The following RNF182 variants were observed in gnomAD, a reference collection of about 807,000 sequenced individuals.
RNF182 encodes ring finger protein 182, also known as E3 ubiquitin-protein ligase RNF182.
RNF182 carries 15 observed loss-of-function variants against 14.4 expected under a neutral mutation model. That is an observed-to-expected ratio of 1.04 (90% CI 0.70 to 1.60). RNF182 has a LOEUF of 1.60. Among genes scored for constraint, RNF182 ranks in the 40% most tolerant of loss-of-function variants. RNF182 has a pLI of 0.00. For missense variants in RNF182, 268 were observed against 294.8 expected (o/e 0.91, Z 0.67); for synonymous variants, 128 against 122.9 (o/e 1.04, Z -0.27).
intron 1 of RNF182, among the ~76,000 whole-genome samples, chr6:13,934,248 G>C (rs1375909898): frequency 6.6e-6 from 1 of 152,140 alleles, no homozygotes; most frequent in Non-Finnish European, 1.5e-5. Context: ...ACTTGATTCA[G>C]AGTCACTCCT....
At chr6:13,926,791 G>GTGT (rs200914945) in intron 1 of RNF182, among the ~76,000 whole-genome samples, 1 of 148,186 alleles carries the variant, frequency 6.7e-6, no homozygotes, top group Non-Finnish European at 1.5e-5. Flanking sequence ...GTGTGTGTGT[G>GTGT]TTTTTTTTTT....
intron 1 of RNF182, among the ~76,000 whole-genome samples, chr6:13,953,968 G>A (rs191205920): frequency 1.3e-5 from 2 of 152,308 alleles, no homozygotes; most frequent in African/African-American, 2.4e-5. Context: ...GAGCACAGAT[G>A]TTGGAAAGTA....
At chr6:13,941,499 T>C (rs1759298443) in intron 1 of RNF182, among the ~76,000 whole-genome samples, 1 of 152,116 alleles carries the variant, frequency 6.6e-6, no homozygotes, top group Non-Finnish European at 1.5e-5. Context: ...CCTGACAGTC[T>C]TTGGAGCAGC....
At chr6:13,946,949 T>C (rs1759454055) in intron 1 of RNF182, among the ~76,000 whole-genome samples, 1 of 152,126 alleles carries the variant, frequency 6.6e-6, no homozygotes, top group Non-Finnish European at 1.5e-5. Context: ...ACCTGGAAGA[T>C]TAGTAAGTAT....
At chr6:13,940,168 A>C (rs1561777500) in intron 1 of RNF182, among the ~76,000 whole-genome samples, 1 of 152,204 alleles carries the variant, frequency 6.6e-6, no homozygotes, top group Admixed American at 6.5e-5. Flanking sequence ...CTTTTTATCG[A>C]TTAAGAAGAT....
intron 1 of RNF182, among the ~76,000 whole-genome samples, chr6:13,955,930 A>G (rs762721236): frequency 1.3e-5 from 2 of 152,128 alleles, no homozygotes; most frequent in African/African-American, 2.4e-5. Flanking sequence ...ATGAAAATAT[A>G]TGGTTTTCAA....
chr6:13,950,357 A>G (rs540485069), intron 1 of RNF182, among the ~76,000 whole-genome samples: 24 of 152,342 alleles, frequency 1.6e-4, no homozygotes, highest in Non-Finnish European at 3.1e-4. Flanking sequence ...TCAAATAATT[A>G]TAAAAAATGT....
chr6:13,954,899 G>GGGCT (rs1759688867), intron 1 of RNF182, among the ~76,000 whole-genome samples: 1 of 152,054 alleles, frequency 6.6e-6, no homozygotes, highest in Admixed American at 6.6e-5. Flanking sequence ...GAAGGTGGAG[G>GGGCT]GGCTCTACGC....
At chr6:13,948,946 T>G (rs1477776833) in intron 1 of RNF182, 2 of 260,504 alleles carry the variant, frequency 7.7e-6, no homozygotes, top group Non-Finnish European at 1.4e-5. Context: ...AAAGCCAAAT[T>G]TCACTTTTGC....
At chr6:13,968,323 T>C (rs933491793) in intron 1 of RNF182, among the ~76,000 whole-genome samples, 1 of 152,068 alleles carries the variant, frequency 6.6e-6, no homozygotes, top group Non-Finnish European at 1.5e-5. Flanking sequence ...CCAGAAGAAA[T>C]GGATTTTTTC....
chr6:13,939,914 T>G (rs575227342), intron 1 of RNF182, among the ~76,000 whole-genome samples: 3 of 152,364 alleles, frequency 2.0e-5, no homozygotes, highest in African/African-American at 7.2e-5. Flanking sequence ...CTTAATAACT[T>G]ATTTGTAGAA....
intron 1 of RNF182, among the ~76,000 whole-genome samples, chr6:13,960,694 C>CGT (rs1168500426): frequency 1.7e-5 from 2 of 116,520 alleles, no homozygotes; most frequent in Admixed American, 8.3e-5. Context: ...TGTGTGTGTG[C>CGT]GCGCGTGCAC....
At chr6:13,952,792 C>A (rs1182685169) in intron 1 of RNF182, among the ~76,000 whole-genome samples, 1 of 152,124 alleles carries the variant, frequency 6.6e-6, no homozygotes, top group East Asian at 1.9e-4. Context: ...GGTGACTACT[C>A]CACAGAGAGA....
At chr6:13,966,020 C>A in intron 1 of RNF182, among the ~76,000 whole-genome samples, 1 of 152,064 alleles carries the variant, frequency 6.6e-6, no homozygotes, top group East Asian at 1.9e-4. Flanking sequence ...CTCCTGAGGA[C>A]GGAGCTCAGA....
At chr6:13,949,250 C>T in intron 1 of RNF182, 1 of 784,682 alleles carries the variant, frequency 1.3e-6, no homozygotes, top group East Asian at 2.4e-5. Flanking sequence ...TATTCAGACA[C>T]CAGTTGTTTC....
At position 13,977,263 on chromosome 6, in the gene RNF182, C is replaced by T; in HGVS notation, c.144C>T (p.Leu48=). 1.9e-6 allele frequency: 3 copies of T among 1,614,186 alleles called. No homozygotes were observed. The highest frequency in any genetic ancestry group is 1.7e-6 in the Non-Finnish European group (2 of 1,180,034). The change falls in exon 3 of 3, where the codon CTC becomes CTT. Residue 48 remains leucine, a synonymous_variant. Transcript: ENST00000488300. ...ECCHRVCAKC[L]YKIIDFGDSP... ...GTCATAGGGTTTGTGCCAAATGCCT[C>T]TACAAGATCATAGACTTTGGGGACT...
In RNF182 at chr6:13,980,053, T is replaced by C. The variant is rs1245192038; in HGVS notation, c.*2190T>C. On this transcript the variant is annotated 3_prime_UTR_variant, in exon 3 of 3. Coordinates refer to ENST00000488300, the MANE Select transcript of RNF182 (RefSeq NM_152737.4). ...CTTATGGTTAAAATTCAGTTATGAC[T>C]TTGCACCTCTGTTAGCTTTAGATAA... 6.3e-6 allele frequency: 1 copy of C among 157,504 alleles called. No homozygotes were observed. The highest frequency in any genetic ancestry group is 2.4e-5 in the African/African-American group (1 of 41,434). 9.8% of individuals were successfully genotyped at this position (157,504 alleles called of 1,614,324 possible). A position where few individuals can be genotyped will look rare whatever the true frequency, so the allele number is the denominator to read the frequency against.
intron 1 of RNF182, among the ~76,000 whole-genome samples, chr6:13,963,635 A>C (rs911316996): frequency 6.6e-6 from 1 of 152,110 alleles, no homozygotes; most frequent in East Asian, 1.9e-4. Flanking sequence ...ATGGTTTCTC[A>C]TCTTCAGAGA....
chr6:13,957,639 T>G (rs1759763281), intron 1 of RNF182, among the ~76,000 whole-genome samples: 1 of 152,184 alleles, frequency 6.6e-6, no homozygotes, highest in Non-Finnish European at 1.5e-5. Context: ...TTATGGAAAG[T>G]GAGCAAAACG....
Sources: gnomAD v4.1 joint callset for allele counts (sites outside exome capture counted in the v4.1 genomes callset) on GRCh38, gnomAD v4.1.1 for gene constraint, MANE v1.5 for transcripts, NCBI Gene and HGNC (gene_info 2026-07-23, HGNC 2026-07-21) for gene names.